SIN3A: variants seen among roughly 807,000 people sequenced by gnomAD.
SIN3A encodes paired amphipathic helix protein Sin3a.
SIN3A carries 14 observed loss-of-function variants against 146.1 expected under a neutral mutation model. That is an observed-to-expected ratio of 0.10 (90% CI 0.06 to 0.15). SIN3A has a LOEUF of 0.15. SIN3A is among the 10% of genes least tolerant of loss of function. SIN3A has a pLI of 1.00. For missense variants in SIN3A, 1,028 were observed against 1,576.0 expected, an observed-to-expected ratio of 0.65 and a Z score of 5.89; for synonymous variants, 572 against 572.0, an observed-to-expected ratio of 1.00 and a Z score of 0.00.
chr15:75,444,513 AATATAC>A (rs1156355126), intron 1 of SIN3A, among the ~76,000 whole-genome samples: 1 of 152,138 alleles, frequency 6.6e-6, no homozygotes, highest in Non-Finnish European at 1.5e-5. Flanking sequence ...AAAGTCATGA[AATATAC>A]ATCTTTACAA....
intron 17 of SIN3A, 33 bp from the exon 18 acceptor site, chr15:75,381,738 A>C: frequency 6.6e-7 from 1 of 1,522,624 alleles, no homozygotes; most frequent in African/African-American, 1.4e-5. Context: ...TAAACAAAAG[A>C]CCGTCTCTGT....
chr15:75,414,116 C>T, intron 4 of SIN3A, 89 bp downstream of exon 4: 1 of 567,822 alleles, frequency 1.8e-6, no homozygotes, highest in Non-Finnish European at 2.8e-6. Context: ...AAGGAGCATC[C>T]TTTATCTTCC....
At chr15:75,381,893 G>A (rs1323901422) in intron 17 of SIN3A, among the ~76,000 whole-genome samples, 188 bp from the exon 18 acceptor site, 2 of 151,952 alleles carry the variant, frequency 1.3e-5, no homozygotes, top group African/African-American at 4.8e-5. Flanking sequence ...CAAGTAAAAT[G>A]AAATATATTA....
intron 19 of SIN3A, among the ~76,000 whole-genome samples, chr15:75,376,851 C>T (rs538644040): frequency 8.4e-6 from 1 of 119,512 alleles, no homozygotes; most frequent in East Asian, 2.4e-4. Flanking sequence ...CAGAGCCAGA[C>T]ACTGTCTTAA....
Position 75,403,475 on chromosome 15 carries a change from A to G in SIN3A, c.1408-1505T>C, listed in dbSNP as rs893701604. Reference sequence around the variant, plus strand: ...AACAATTTAAAAACTGAGATCTCGGAGTATACCTTCTCATATGCTTGATTC... The same window carrying G: ...AACAATTTAAAAACTGAGATCTCGGGGTATACCTTCTCATATGCTTGATTC... On this transcript the variant is annotated intron_variant, in intron 9 of 20. Transcript: ENST00000394947. 2.6e-5 allele frequency among the ~76,000 whole-genome samples: 4 copies of G among 151,950 alleles called. 1 individual carries two copies. The highest frequency in any genetic ancestry group is 4.2e-4 in the South Asian group (2 of 4,814).
At chr15:75,409,724 C>T in intron 8 of SIN3A, 112 bp downstream of exon 8, 1 of 1,239,430 alleles carries the variant, frequency 8.1e-7, no homozygotes, top group South Asian at 1.5e-5. Context: ...GAGACTCGGT[C>T]TCAAAAAAAC....
At chr15:75,406,238 C>T (rs2073512203) in intron 9 of SIN3A, among the ~76,000 whole-genome samples, 1 of 152,142 alleles carries the variant, frequency 6.6e-6, no homozygotes, top group Non-Finnish European at 1.5e-5. Flanking sequence ...TTTATGTGGC[C>T]AAACTAAGGC....
intron 1 of SIN3A, among the ~76,000 whole-genome samples, chr15:75,442,281 G>C (rs1005440017): frequency 1.3e-5 from 2 of 150,466 alleles, no homozygotes. Context: ...CTTGAAAGAT[G>C]AAAGAATACT....
chr15:75,391,713 T>A (rs2073205731), intron 15 of SIN3A, among the ~76,000 whole-genome samples: 1 of 152,180 alleles, frequency 6.6e-6, no homozygotes. Context: ...TTCTACATCT[T>A]TATCCCTGTC....
intron 3 of SIN3A, among the ~76,000 whole-genome samples, chr15:75,417,941 C>T (rs992054871): frequency 6.6e-6 from 1 of 152,230 alleles, no homozygotes; most frequent in African/African-American, 2.4e-5. Context: ...GACACACATT[C>T]AGGGACCATC....
Position 75,396,920 on chromosome 15 carries a change from C to G in SIN3A, c.1855-424G>C, listed in dbSNP as rs190612774. Among the ~76,000 whole-genome samples, 178 of 152,300 alleles carry G rather than the reference C, an allele frequency of 1.2e-3. 2 individuals carry two copies. The highest frequency in any genetic ancestry group is 0.011 in the Admixed American group (167 of 15,298). On this transcript the variant is annotated intron_variant, in intron 12 of 20. Transcript: ENST00000394947. ...CTGAATTGCTAAGATCCATTATGAA[C>G]AAACAATAACAATCAAAACAATCCC...
chr15:75,409,865 G>A lies in SIN3A; in HGVS notation c.1288C>T (p.His430Tyr). The A allele has an allele frequency of 6.2e-7, 1 of 1,613,122 alleles. No individual in the cohort carries two copies. Among genetic ancestry groups the A allele is most frequent in the Non-Finnish European group, 8.5e-7 (1 of 1,179,998 alleles). Residue 430 changes from histidine (H) to tyrosine (Y), a missense_variant, in exon 8 of 21, where the codon CAT becomes TAT. Physicochemically the swap from His to Tyr is moderately conservative, Grantham distance 83. Around this residue, in one of 9 missense-constraint regions of SIN3A, gnomAD observed 62 missense variants for 63.5 expected, o/e 0.98. Transcript: ENST00000394947. ...PSQNGCQIRR[H>Y]PTGTTPPVKK... is the part of the protein sequence containing the mutation. The stretch of plus-strand genomic sequence containing the variant: ...ACTGGAGGGGTGGTTCCTGTAGGAT[G>A]TCTGCGGATCTGGCAGCCATTCTGG...
upstream of SIN3A, chr15:75,455,780 T>C (rs1259700545): frequency 6.6e-6 from 1 of 152,102 alleles, no homozygotes; most frequent in Non-Finnish European, 1.5e-5. Flanking sequence ...AGCAGCTGTT[T>C]AACATACCTT....
rs907239791 is a variant in SIN3A, at chr15:75,396,198, TGA to T, written c.2093+58_2093+59del. 8 of 1,169,800 alleles carry T rather than the reference TGA, an allele frequency of 6.8e-6. No homozygotes were observed. In the African/African-American group the frequency reaches 1.1e-4, roughly 16 times the overall value. 72.5% of individuals were successfully genotyped at this position (1,169,800 alleles called of 1,614,324 possible). On this transcript the variant is annotated intron_variant, in intron 13 of 20. Transcript: ENST00000394947. ...GGTTGAAAATGAGAGCCTTATTTAA[TGA>T]GACACTGAACCGGTAGTGAAGTACA...
rs998815771 is a variant in SIN3A at position 75,451,584 on chromosome 15, G to GGGAA, written c.-199_-196dup. On this transcript the variant is annotated 5_prime_UTR_variant, in exon 1 of 21. Transcript: ENST00000394947. ...GGTCACAGGCTCCGGTGCCCAGACTGGGAAGGAGGGAGGGAGGGAGGGAGG... is the reference window on the plus strand; with the variant it reads ...GGTCACAGGCTCCGGTGCCCAGACTGGGAAGGAAGGAGGGAGGGAGGGAGGGAGG... 2 of 149,156 alleles carry GGGAA rather than the reference G, an allele frequency of 1.3e-5. No individual in the cohort carries two copies. The highest frequency in any genetic ancestry group is 2.5e-5 in the African/African-American group (1 of 40,574). The allele number at this position is 149,156 out of a possible 1,614,324, so 9.2% of individuals were successfully genotyped here. A position where few individuals can be genotyped will look rare whatever the true frequency, so the allele number is the denominator to read the frequency against.
In SIN3A at chr15:75,401,947, T is replaced by G; in HGVS notation, c.1431A>C (p.Ala477=). 6 of 1,613,168 alleles carry G rather than the reference T, an allele frequency of 3.7e-6. No individual in the cohort carries two copies. The highest frequency in any genetic ancestry group is 5.1e-6 in the Non-Finnish European group (6 of 1,179,170). Residue 477 remains alanine (A), a synonymous_variant, in exon 10 of 21, where the codon GCA becomes GCC. Transcript: ENST00000394947. ...FDKVRKALRS[A]EAYENFLRCL... ...AGCGTAGGAAATTTTCGTAGGCTTC[T>G]GCACTCCGAAGAGCCTTTCGGACCT...
chr15:75,409,734 C>T, intron 8 of SIN3A, 102 bp downstream of exon 8: 1 of 1,324,202 alleles, frequency 7.6e-7, no homozygotes, highest in Non-Finnish European at 1.0e-6. Context: ...CTCAAAAAAA[C>T]AAAAAAAAAC....
At chr15:75,442,353 A>G (rs191459702) in intron 1 of SIN3A, among the ~76,000 whole-genome samples, 1 of 150,928 alleles carries the variant, frequency 6.6e-6, no homozygotes, top group East Asian at 1.9e-4. Context: ...ATTTCTTAAA[A>G]ATAGAAATGG....
At chr15:75,398,697 A>G (rs2073349339) in intron 12 of SIN3A, among the ~76,000 whole-genome samples, 2 of 150,248 alleles carry the variant, frequency 1.3e-5, no homozygotes, top group African/African-American at 4.9e-5. Flanking sequence ...AGGGGTCCCT[A>G]ATTTAGCCTT....
Sources: allele counts gnomAD v4.1 joint callset (sites outside exome capture counted in the v4.1 genomes callset), GRCh38; gene constraint gnomAD v4.1.1; regional missense constraint gnomAD v4.1.1; transcripts MANE v1.5; gene names NCBI Gene and HGNC (gene_info 2026-07-23, HGNC 2026-07-21).